Variants in GRIP1 observed in about 807,000 individuals in gnomAD.
The protein encoded by GRIP1 is glutamate receptor interacting protein 1.
Under a neutral mutation model 129.9 loss-of-function variants are expected in GRIP1, and 45 were observed. The ratio of observed to expected loss-of-function variants is 0.35; its 90% CI spans 0.27 to 0.44. The LOEUF is 0.44. Ranked by LOEUF, GRIP1 falls within the 20% of genes least tolerant of loss-of-function variation. The pLI is 1.00. For missense variants in GRIP1, 1,196 were observed against 1,396.8 expected (o/e 0.86, Z 2.29); for synonymous variants, 530 against 520.8 (o/e 1.02, Z -0.24).
At chr12:66,690,115 T>A (rs2034927310) in intron 1 of GRIP1, among the ~76,000 whole-genome samples, 1 of 151,932 alleles carries the variant, frequency 6.6e-6, no homozygotes, top group South Asian at 2.1e-4. Context: ...AGAAGGGCTG[T>A]CCCTACATTG....
At chr12:66,437,033 A>G (rs1384715309) in intron 13 of GRIP1, among the ~76,000 whole-genome samples, 2 of 151,508 alleles carry the variant, frequency 1.3e-5, no homozygotes, top group Non-Finnish European at 2.9e-5. Context: ...AAAATGAGTC[A>G]AGCTTTTTTA....
At chr12:66,973,307 G>A (rs370344086) in intron 1 of GRIP1, among the ~76,000 whole-genome samples, 1 of 149,948 alleles carries the variant, frequency 6.7e-6, no homozygotes, top group Non-Finnish European at 1.5e-5. Flanking sequence ...GTTTGGGGTA[G>A]GTTTTTTTCT....
intron 2 of GRIP1, among the ~76,000 whole-genome samples, chr12:66,580,188 T>G (rs2063318332): frequency 6.8e-6 from 1 of 146,766 alleles, no homozygotes; most frequent in South Asian, 2.3e-4. Flanking sequence ...AATAAAATAC[T>G]TTACAGACAA....
rs1012290035 is a variant in GRIP1, at chr12:66,991,864, C to T, written c.58+77186G>A. ...ATCCTCTAGAGTGTATTCAGCCAGA[C>T]GCCATCTCAACTTGGATTCCAAATT... On this transcript the variant is annotated intron_variant, in intron 1 of 1. Transcript: ENST00000643019. Among the ~76,000 whole-genome samples, 6 of 152,172 alleles carry T rather than the reference C, an allele frequency of 3.9e-5. No individual in the cohort carries two copies. The South Asian group carries it at 8.3e-4, about 21-fold the overall frequency.
chr12:66,480,040 A>G (rs2059753993), intron 7 of GRIP1, among the ~76,000 whole-genome samples: 1 of 152,172 alleles, frequency 6.6e-6, no homozygotes, highest in Non-Finnish European at 1.5e-5. Flanking sequence ...CACCACTCCT[A>G]TTCAACATAG....
At chr12:66,843,375 G>C (rs1186292722) in intron 1 of GRIP1, among the ~76,000 whole-genome samples, 1 of 152,040 alleles carries the variant, frequency 6.6e-6, no homozygotes, top group Non-Finnish European at 1.5e-5. Context: ...TTATTTAGGA[G>C]CTCCTTATTC....
At chr12:66,405,406 T>C (rs530770980) in intron 16 of GRIP1, among the ~76,000 whole-genome samples, 1 of 152,356 alleles carries the variant, frequency 6.6e-6, no homozygotes, top group East Asian at 1.9e-4. Flanking sequence ...CACTTTTCAA[T>C]TGGCTCTATA....
intron 1 of GRIP1, among the ~76,000 whole-genome samples, chr12:66,688,766 ACT>A: frequency 6.6e-6 from 1 of 150,428 alleles, no homozygotes; most frequent in African/African-American, 2.4e-5. Flanking sequence ...CCAATCACTG[ACT>A]CTGAAAAAAA....
intron 1 of GRIP1, among the ~76,000 whole-genome samples, chr12:67,022,539 T>G (rs2042883066): frequency 6.6e-6 from 1 of 152,202 alleles, no homozygotes; most frequent in Non-Finnish European, 1.5e-5. Context: ...TTGTACCATT[T>G]TACATTCCCA....
At chr12:67,048,726 G>A (rs897722957) in intron 1 of GRIP1, among the ~76,000 whole-genome samples, 1 of 152,092 alleles carries the variant, frequency 6.6e-6, no homozygotes, top group Non-Finnish European at 1.5e-5. Context: ...GGTCTTTCCT[G>A]TGCTGTTCTC....
rs191929026 is a variant in GRIP1, at chr12:66,940,098, C to T, written c.58+128952G>A. ...TATACCTTTTGGGTTTTTTTTTAATCATCTCTTCAATGGCACCACAACAAA... is the reference window on the plus strand; with the variant it reads ...TATACCTTTTGGGTTTTTTTTTAATTATCTCTTCAATGGCACCACAACAAA... On this transcript the variant is annotated intron_variant, in intron 1 of 1. Transcript: ENST00000643019. Among the ~76,000 whole-genome samples the T allele has an allele frequency of 2.4e-4, 37 of 151,326 alleles. No homozygotes were observed. In the East Asian group the frequency reaches 7.0e-3, roughly 29 times the overall value.
At chr12:66,354,858 G>A (rs1450328783) in intron 23 of GRIP1, among the ~76,000 whole-genome samples, 1 of 152,142 alleles carries the variant, frequency 6.6e-6, no homozygotes, top group African/African-American at 2.4e-5. Flanking sequence ...TGGACAGACA[G>A]CTAAAATATC....
intron 1 of GRIP1, among the ~76,000 whole-genome samples, chr12:67,018,164 G>T (rs1463892304): frequency 6.6e-6 from 1 of 152,052 alleles, no homozygotes; most frequent in Non-Finnish European, 1.5e-5. Context: ...TCTGTCCCTT[G>T]TGTGGTGGTA....
chr12:66,808,096 C>T (rs2039031538), upstream of GRIP1, among the ~76,000 whole-genome samples: 1 of 151,888 alleles, frequency 6.6e-6, no homozygotes, highest in African/African-American at 2.4e-5. Flanking sequence ...GTGTACCACT[C>T]TTTGCGTAGA....
At chr12:66,774,157 A>ACCATATACTCATT (rs1249238381) in intron 1 of GRIP1, among the ~76,000 whole-genome samples, 4 of 152,326 alleles carry the variant, frequency 2.6e-5, no homozygotes, top group African/African-American at 9.6e-5. Context: ...TTTCAGGGCC[A>ACCATATACTCATT]CCATATACTC....
In GRIP1 at chr12:66,394,303, G is replaced by A. The variant is rs2056706862; in HGVS notation, c.2034C>T (p.Arg678=). 1 of 1,613,846 alleles carries A rather than the reference G, an allele frequency of 6.2e-7. No homozygotes were observed. Among genetic ancestry groups the A allele is most frequent in the Non-Finnish European group, 8.5e-7 (1 of 1,179,718 alleles). ...GAIIYTVELK[R]YGGPLGITIS... ...TTGTGATGCCAAGGGGCCCCCCGTAGCGTTTAAGCTCCACGGTGTAAATAA... is the reference window on the plus strand; with the variant it reads ...TTGTGATGCCAAGGGGCCCCCCGTAACGTTTAAGCTCCACGGTGTAAATAA... The change falls in exon 17 of 25, where the codon CGC becomes CGT. Residue 678 remains arginine (R), a synonymous_variant. Transcript: ENST00000359742.
At chr12:66,532,392 G>T (rs760608350) in intron 4 of GRIP1, among the ~76,000 whole-genome samples, 2 of 152,072 alleles carry the variant, frequency 1.3e-5, no homozygotes, top group Non-Finnish European at 2.9e-5. Context: ...ATTCTCCTCG[G>T]TCTTTCAATT....
intron 6 of GRIP1, among the ~76,000 whole-genome samples, 192 bp downstream of exon 6, chr12:66,517,709 G>T (rs2060886891): frequency 6.6e-6 from 1 of 151,978 alleles, no homozygotes; most frequent in African/African-American, 2.4e-5. Context: ...CAAAGATATA[G>T]TAAGTATAGA....
intron 1 of GRIP1, among the ~76,000 whole-genome samples, chr12:67,030,211 A>AAATAAT (rs67187831): frequency 0.1 from 14,621 of 145,456 alleles, 802 homozygotes; most frequent in Non-Finnish European, 0.11. Flanking sequence ...ACTCTGTCTC[A>AAATAAT]AATAATAATA....
Sources: gnomAD v4.1 joint callset for allele counts (sites outside exome capture counted in the v4.1 genomes callset) on GRCh38, gnomAD v4.1.1 for gene constraint, MANE v1.5 for transcripts, NCBI Gene and HGNC (gene_info 2026-07-23, HGNC 2026-07-21) for gene names.